Variants in IL10RB observed in about 807,000 individuals in gnomAD.
The protein encoded by IL10RB is interleukin-10 receptor subunit beta.
Under a neutral mutation model 38.7 loss-of-function variants are expected in IL10RB, and 30 were observed. The observed-to-expected ratio is 0.78, with a 90% CI of 0.58 to 1.05. The LOEUF is 1.05. Among genes scored for constraint, IL10RB ranks in the 50% least tolerant of loss-of-function variants. The pLI, the probability that IL10RB is intolerant of heterozygous loss-of-function variation, is 0.00. For synonymous variants in IL10RB, 142 were observed against 145.9 expected, an observed-to-expected ratio of 0.97 and a Z score of 0.19; for missense variants, 328 against 397.1, an observed-to-expected ratio of 0.83 and a Z score of 1.48.
At chr21:33,301,490 T>C (rs1475607830), downstream of IL10RB, among the ~76,000 whole-genome samples, 2 of 152,224 alleles carry the variant, frequency 1.3e-5, no homozygotes, top group African/African-American at 2.4e-5. Context: ...GGAGGAGTCA[T>C]GGCAAGGACA....
intron 4 of IL10RB, among the ~76,000 whole-genome samples, chr21:33,280,370 C>G (rs2834170): frequency 1.6e-4 from 25 of 152,050 alleles, no homozygotes; most frequent in Non-Finnish European, 2.5e-4. Flanking sequence ...AAGATCTGAT[C>G]GGAATATCAC....
intron 1 of IL10RB, 118 bp from the exon 2 acceptor site, chr21:33,268,276 C>G: frequency 3.8e-6 from 6 of 1,568,040 alleles, no homozygotes; most frequent in Non-Finnish European, 5.2e-6. Flanking sequence ...CCTCCCTCAC[C>G]CACGTGGCCT....
chr21:33,296,325 G>C lies in IL10RB; in HGVS notation c.946G>C (p.Gly316Arg). 1 of 1,613,874 alleles carries C rather than the reference G, an allele frequency of 6.2e-7. No homozygotes were observed. The highest frequency in any genetic ancestry group is 8.5e-7 in the Non-Finnish European group (1 of 1,179,966). Residue 316 changes from glycine to arginine, a missense_variant, in exon 7 of 7, where the codon GGG becomes CGG. Physicochemically the swap from Gly to Arg is moderately radical, Grantham distance 125. Coordinates refer to ENST00000290200, the MANE Select transcript of IL10RB (RefSeq NM_000628.5). ...GAATCCTGGTGACAGCTGCAGCCTC[G>C]GGACCCCGCCTGGGCAGGGGCCCCA... is the stretch of plus-strand genomic sequence containing the variant. ...KQNPGDSCSL[G>R]TPPGQGPQS
intron 2 of IL10RB, among the ~76,000 whole-genome samples, chr21:33,272,793 G>A (rs576059204): frequency 2.0e-5 from 3 of 152,278 alleles, no homozygotes; most frequent in South Asian, 4.1e-4. Context: ...CTTTGATCAC[G>A]TGGAGCCAAT....
At chr21:33,300,819 C>T (rs528428278), downstream of IL10RB, among the ~76,000 whole-genome samples, 1 of 152,298 alleles carries the variant, frequency 6.6e-6, no homozygotes, top group African/African-American at 2.4e-5. Context: ...GGTGTTTGAA[C>T]CAGAGCGACT....
downstream of IL10RB, among the ~76,000 whole-genome samples, chr21:33,301,605 C>T (rs1267087450): frequency 2.6e-5 from 4 of 152,202 alleles, no homozygotes; most frequent in Non-Finnish European, 5.9e-5. Flanking sequence ...ACTGGGCTGC[C>T]CCTGAGGGTC....
downstream of IL10RB, among the ~76,000 whole-genome samples, chr21:33,300,194 C>G (rs1291698247): frequency 6.6e-6 from 1 of 152,130 alleles, no homozygotes; most frequent in Non-Finnish European, 1.5e-5. Flanking sequence ...AATCCCAGCA[C>G]TTTGGGAGGC....
chr21:33,280,239 C>T (rs1989255758), intron 4 of IL10RB, among the ~76,000 whole-genome samples: 1 of 152,218 alleles, frequency 6.6e-6, no homozygotes, highest in Non-Finnish European at 1.5e-5. Flanking sequence ...ACAACTGTCC[C>T]ATGACATCAA....
At position 33,269,721 on chromosome 21, in the gene IL10RB, C is replaced by T. The variant is rs182164846; in HGVS notation, c.173+1204C>T. ...TCACCCAGGCTGGAGTGCAGTGGCG[C>T]GATCTCGGCTCACTGCAACCTCTGC... On this transcript the variant is annotated intron_variant, in intron 2 of 6. Transcript: ENST00000290200. Among the ~76,000 whole-genome samples, 88 of 149,288 alleles carry T rather than the reference C, an allele frequency of 5.9e-4. No individual in the cohort carries two copies. In the East Asian group the frequency reaches 0.016, roughly 27 times the overall value.
intron 3 of IL10RB, among the ~76,000 whole-genome samples, chr21:33,279,319 A>C (rs1295657217): frequency 1.3e-5 from 2 of 152,224 alleles, no homozygotes; most frequent in Non-Finnish European, 2.9e-5. Flanking sequence ...TATATATGTT[A>C]AACATGTAAA....
chr21:33,291,283 G>A (rs201972605), intron 6 of IL10RB, among the ~76,000 whole-genome samples: 1 of 133,140 alleles, frequency 7.5e-6, no homozygotes, highest in Admixed American at 7.4e-5. Context: ...TTTTTTTTTT[G>A]GAGACGGAGT....
At chr21:33,307,207 C>T (rs2083000979) in intron 1 of IL10RB, among the ~76,000 whole-genome samples, 1 of 152,156 alleles carries the variant, frequency 6.6e-6, no homozygotes, top group Non-Finnish European at 1.5e-5. Flanking sequence ...TCTGATTCAC[C>T]CCAGTCCCTG....
chr21:33,279,153 A>T (rs1481830264), intron 3 of IL10RB, among the ~76,000 whole-genome samples: 1 of 152,256 alleles, frequency 6.6e-6, no homozygotes, highest in Non-Finnish European at 1.5e-5. Context: ...TGGGAGCTGC[A>T]CTTCTACATA....
Position 33,279,923 on chromosome 21 carries a change from G to A in IL10RB, c.498+5G>A. 5 of 1,612,850 alleles carry A rather than the reference G, an allele frequency of 3.1e-6. No homozygotes were observed. The highest frequency in any genetic ancestry group is 3.4e-6 in the Non-Finnish European group (4 of 1,179,044). On this transcript the variant is annotated splice_donor_5th_base_variant and intron_variant, in intron 4 of 6. Transcript: ENST00000290200. ...AAAAACGGTACTGATGAAAAGGTAA[G>A]GTTGGCTAATTGCATTTCAGAGGTA... is the stretch of plus-strand genomic sequence containing the variant.
intron 1 of IL10RB, among the ~76,000 whole-genome samples, chr21:33,305,624 C>T (rs2082997187): frequency 6.6e-6 from 1 of 152,120 alleles, no homozygotes; most frequent in African/African-American, 2.4e-5. Flanking sequence ...TAGTGGGAAG[C>T]TCACTAGCTC....
At chr21:33,274,093 G>T (rs927731508) in intron 2 of IL10RB, among the ~76,000 whole-genome samples, 3 of 152,258 alleles carry the variant, frequency 2.0e-5, no homozygotes, top group South Asian at 2.1e-4. Context: ...TTTCTGGGAG[G>T]TTTTCAATTT....
At chr21:33,295,959 G>A (rs1268820312) in intron 6 of IL10RB, among the ~76,000 whole-genome samples, 2 of 151,660 alleles carry the variant, frequency 1.3e-5, no homozygotes, top group Non-Finnish European at 1.5e-5. Context: ...CAGGAGAATT[G>A]CTTGAACCTG....
chr21:33,294,243 G>A (rs1386649669), intron 6 of IL10RB: 1 of 331,858 alleles, frequency 3.0e-6, no homozygotes, highest in Non-Finnish European at 6.0e-6. Flanking sequence ...CATAATGATA[G>A]AATCCATTAA....
At chr21:33,284,164 C>T (rs374224215) in intron 5 of IL10RB, among the ~76,000 whole-genome samples, 53 of 151,974 alleles carry the variant, frequency 3.5e-4, no homozygotes, top group South Asian at 6.2e-4. Flanking sequence ...GGTGTGGTGG[C>T]GCACACCTGT....
Sources: allele counts gnomAD v4.1 joint callset (sites outside exome capture counted in the v4.1 genomes callset), GRCh38; gene constraint gnomAD v4.1.1; transcripts MANE v1.5; gene names NCBI Gene and HGNC (gene_info 2026-07-23, HGNC 2026-07-21).